Variants in ZBTB20 observed in about 807,000 individuals in gnomAD.
ZBTB20 encodes zinc finger and BTB domain-containing protein 20.
In ZBTB20, 9 loss-of-function variants were observed where a neutral mutation model predicts 56.9. The ratio of observed to expected loss-of-function variants is 0.16; its 90% CI spans 0.10 to 0.28. The LOEUF (loss-of-function observed/expected upper bound fraction) is 0.28, where lower values mean the gene tolerates loss of function less well. ZBTB20 is among the 10% of genes least tolerant of loss of function. ZBTB20 has a pLI of 1.00. For synonymous variants in ZBTB20, 417 were observed against 420.7 expected, an observed-to-expected ratio of 0.99 and a Z score of 0.11; for missense variants, 655 against 1,003.0, an observed-to-expected ratio of 0.65 and a Z score of 4.69.
At chr3:114,412,201 C>T (rs995141655) in intron 7 of ZBTB20, among the ~76,000 whole-genome samples, 1 of 152,144 alleles carries the variant, frequency 6.6e-6, no homozygotes, top group African/African-American at 2.4e-5. Context: ...AACTTACTAA[C>T]ACCATTTGCA....
chr3:114,822,976 T>C (rs1455156004), intron 4 of ZBTB20, among the ~76,000 whole-genome samples: 1 of 152,038 alleles, frequency 6.6e-6, no homozygotes, highest in Non-Finnish European at 1.5e-5. Flanking sequence ...TTTGGAGAAA[T>C]CACAGTAAAA....
Position 114,380,934 on chromosome 3 carries a change from T to A in ZBTB20, c.-147A>T. 1.9e-6 allele frequency: 1 copy of A among 534,114 alleles called. No homozygotes were observed. The highest frequency in any genetic ancestry group is 3.0e-6 in the Non-Finnish European group (1 of 335,878). The allele number at this position is 534,114 out of a possible 1,614,324, so 33.1% of individuals were successfully genotyped here. A position where few individuals can be genotyped will look rare whatever the true frequency, so the allele number is the denominator to read the frequency against. Reference sequence around the variant, plus strand: ...CACTTCACCTCTCTGGGCTTCAGTTTCCTCATCTGTAAAATAAAGGGCTTG... The same window carrying A: ...CACTTCACCTCTCTGGGCTTCAGTTACCTCATCTGTAAAATAAAGGGCTTG... On this transcript the variant is annotated 5_prime_UTR_variant, in exon 9 of 12. The change creates a premature stop within an existing upstream ORF in the 5' untranslated region. Coordinates refer to ENST00000675478, the MANE Select transcript of ZBTB20 (RefSeq NM_001348800.3).
At chr3:114,726,376 T>C (rs1457254927) in intron 5 of ZBTB20, among the ~76,000 whole-genome samples, 1 of 152,196 alleles carries the variant, frequency 6.6e-6, no homozygotes, top group Non-Finnish European at 1.5e-5. Context: ...TTGTAGTTTC[T>C]GGTAGAATTT....
intron 7 of ZBTB20, among the ~76,000 whole-genome samples, chr3:114,401,643 T>C (rs2086834953): frequency 6.6e-6 from 1 of 152,154 alleles, no homozygotes; most frequent in Non-Finnish European, 1.5e-5. Flanking sequence ...TGACTTTCCA[T>C]CTGAGGACTT....
chr3:115,105,694 G>C (rs1193199151), intron 1 of ZBTB20, among the ~76,000 whole-genome samples: 1 of 152,076 alleles, frequency 6.6e-6, no homozygotes, highest in African/African-American at 2.4e-5. Flanking sequence ...ATATCTAATA[G>C]TAATGCAAAT....
At chr3:114,728,731 C>G (rs2108527833) in intron 5 of ZBTB20, among the ~76,000 whole-genome samples, 1 of 152,266 alleles carries the variant, frequency 6.6e-6, no homozygotes, top group Middle Eastern at 3.4e-3. Flanking sequence ...AGACGTGCAT[C>G]TTTTTAACAT....
At chr3:114,914,702 T>C (rs904772958) in intron 3 of ZBTB20, among the ~76,000 whole-genome samples, 1 of 152,068 alleles carries the variant, frequency 6.6e-6, no homozygotes, top group African/African-American at 2.4e-5. Context: ...TGTGGGTCTG[T>C]TGTATGTGGC....
chr3:114,749,807 T>C (rs2067423942), intron 5 of ZBTB20, among the ~76,000 whole-genome samples: 1 of 152,204 alleles, frequency 6.6e-6, no homozygotes, highest in Admixed American at 6.5e-5. Context: ...GTCAAGATTT[T>C]CTTACCTATT....
chr3:114,932,915 A>G (rs755078816), intron 3 of ZBTB20, among the ~76,000 whole-genome samples: 1 of 152,158 alleles, frequency 6.6e-6, no homozygotes, highest in Non-Finnish European at 1.5e-5. Flanking sequence ...ATGCTATGCT[A>G]GTTCTAAGCC....
intron 4 of ZBTB20, among the ~76,000 whole-genome samples, chr3:114,855,884 A>G (rs2075228949): frequency 6.6e-6 from 1 of 152,082 alleles, no homozygotes; most frequent in Non-Finnish European, 1.5e-5. Flanking sequence ...TCAAAACAAC[A>G]ACAACAACAG....
chr3:115,099,452 C>A (rs903762322), intron 1 of ZBTB20, among the ~76,000 whole-genome samples: 2 of 152,104 alleles, frequency 1.3e-5, no homozygotes, highest in African/African-American at 4.8e-5. Context: ...ATGTAAAAGC[C>A]CATCTGCAAA....
At chr3:114,594,137 T>C (rs879196963) in intron 6 of ZBTB20, among the ~76,000 whole-genome samples, 5 of 152,194 alleles carry the variant, frequency 3.3e-5, no homozygotes, top group Non-Finnish European at 7.4e-5. Context: ...AATCCAAATC[T>C]TGCCTACTTT....
chr3:115,111,049 A>AAAT (rs1560580671), intron 1 of ZBTB20, among the ~76,000 whole-genome samples: 5 of 145,976 alleles, frequency 3.4e-5, no homozygotes, highest in African/African-American at 7.4e-5. Flanking sequence ...AATAAATAAA[A>AAAT]ATAAAACAAA....
At chr3:114,988,422 G>A (rs977609510) in intron 2 of ZBTB20, among the ~76,000 whole-genome samples, 3 of 151,850 alleles carry the variant, frequency 2.0e-5, no homozygotes, top group Non-Finnish European at 2.9e-5. Context: ...CCCTACAAAG[G>A]ACATGAACTC....
At chr3:114,403,920 T>C (rs1335884069) in intron 7 of ZBTB20, among the ~76,000 whole-genome samples, 1 of 152,152 alleles carries the variant, frequency 6.6e-6, no homozygotes, top group African/African-American at 2.4e-5. Context: ...GTCTCATTTT[T>C]CTCATATATA....
At chr3:114,671,795 T>C (rs891792154) in intron 6 of ZBTB20, among the ~76,000 whole-genome samples, 1 of 152,088 alleles carries the variant, frequency 6.6e-6, no homozygotes, top group African/African-American at 2.4e-5. Flanking sequence ...TATCCATACC[T>C]AAGGAGTACA....
chr3:114,627,582 G>A (rs1047333060), intron 6 of ZBTB20, among the ~76,000 whole-genome samples: 2 of 151,184 alleles, frequency 1.3e-5, no homozygotes. Flanking sequence ...CAATAGCAAT[G>A]CCATCCACAA....
intron 4 of ZBTB20, among the ~76,000 whole-genome samples, chr3:114,808,380 A>G (rs771793488): frequency 6.6e-6 from 1 of 152,040 alleles, no homozygotes; most frequent in Non-Finnish European, 1.5e-5. Context: ...ATAGTATGAG[A>G]TCAGGAATGA....
intron 6 of ZBTB20, among the ~76,000 whole-genome samples, chr3:114,610,883 G>A (rs939603719): frequency 1.3e-5 from 2 of 152,118 alleles, no homozygotes; most frequent in African/African-American, 4.8e-5. Flanking sequence ...ACATAGCAAC[G>A]TGTACACACA....
Sources: allele counts gnomAD v4.1 joint callset (sites outside exome capture counted in the v4.1 genomes callset), GRCh38; gene constraint gnomAD v4.1.1; transcripts MANE v1.5; gene names NCBI Gene and HGNC (gene_info 2026-07-23, HGNC 2026-07-21).